Variants in WASF3 observed in about 807,000 individuals in gnomAD.
The protein encoded by WASF3 is WASP family member 3.
Under a neutral mutation model 46.6 loss-of-function variants are expected in WASF3, and 11 were observed. The observed-to-expected ratio is 0.24, with a 90% CI of 0.15 to 0.39. The LOEUF is 0.39. WASF3 is among the 10% of genes least tolerant of loss of function. The pLI is 1.00. For missense variants in WASF3, 576 were observed against 669.8 expected, an observed-to-expected ratio of 0.86 and a Z score of 1.55; for synonymous variants, 242 against 259.7, an observed-to-expected ratio of 0.93 and a Z score of 0.65.
intron 2 of WASF3, among the ~76,000 whole-genome samples, chr13:26,629,935 C>T (rs2137258850): frequency 6.6e-6 from 1 of 152,100 alleles, no homozygotes; most frequent in East Asian, 1.9e-4. Context: ...TTTGATTCTC[C>T]TGCTGGAGCT....
At chr13:26,562,216 T>G (rs563977312) in intron 1 of WASF3, among the ~76,000 whole-genome samples, 5 of 152,036 alleles carry the variant, frequency 3.3e-5, no homozygotes, top group African/African-American at 4.8e-5. Context: ...TGGTGTGGAG[T>G]GAGATCTGAG....
At position 26,561,389 on chromosome 13, in the gene WASF3, C is replaced by G. The variant is rs115904433; in HGVS notation, c.-109+3570C>G. ...AGTTCAGGGCAGTGTCCAGCTCTGG[C>G]TGGGTGGTTGGGTGATGGCACTGTC... On this transcript the variant is annotated intron_variant, in intron 1 of 9. Transcript: ENST00000335327. 8.7e-3 allele frequency among the ~76,000 whole-genome samples: 1,329 copies of G among 151,990 alleles called. 21 individuals are homozygous for G. The highest frequency in any genetic ancestry group is 0.03 in the African/African-American group (1,241 of 41,418).
At chr13:26,631,669 C>G (rs965474412) in intron 2 of WASF3, among the ~76,000 whole-genome samples, 10 of 152,022 alleles carry the variant, frequency 6.6e-5, no homozygotes, top group African/African-American at 1.9e-4. Context: ...TTTTTTCGTT[C>G]CATATGAACT....
chr13:26,602,820 A>G (rs951931354), intron 1 of WASF3, among the ~76,000 whole-genome samples: 3 of 152,050 alleles, frequency 2.0e-5, no homozygotes, highest in Non-Finnish European at 4.4e-5. Flanking sequence ...ACATCTTGCT[A>G]TTTCTATTTG....
chr13:26,658,762 T>TTC (rs1169526023), intron 3 of WASF3, among the ~76,000 whole-genome samples: 1 of 152,144 alleles, frequency 6.6e-6, no homozygotes, highest in East Asian at 1.9e-4. Context: ...GAAGGCAAGA[T>TTC]TAGAGTTCCC....
At chr13:26,556,042 T>C (rs1313224044), upstream of WASF3, among the ~76,000 whole-genome samples, 1 of 152,236 alleles carries the variant, frequency 6.6e-6, no homozygotes, top group Non-Finnish European at 1.5e-5. Flanking sequence ...AGCACTGTAC[T>C]AGGCATTATA....
chr13:26,602,521 T>C (rs1880671578), intron 1 of WASF3, among the ~76,000 whole-genome samples: 1 of 152,194 alleles, frequency 6.6e-6, no homozygotes, highest in East Asian at 1.9e-4. Flanking sequence ...TCAGGAGCTT[T>C]GAATGTAGAC....
chr13:26,552,752 G>A (rs1054991755), upstream of WASF3, among the ~76,000 whole-genome samples: 2 of 152,204 alleles, frequency 1.3e-5, no homozygotes, highest in African/African-American at 4.8e-5. Context: ...TCCGCAAAGT[G>A]AGATTGAACT....
intron 3 of WASF3, among the ~76,000 whole-genome samples, chr13:26,651,046 G>C (rs1882299796): frequency 6.6e-6 from 1 of 152,188 alleles, no homozygotes; most frequent in Non-Finnish European, 1.5e-5. Context: ...ATTCCTGAAA[G>C]TATAAAGAAA....
At chr13:26,637,028 A>G (rs1433051872) in intron 2 of WASF3, among the ~76,000 whole-genome samples, 2 of 152,178 alleles carry the variant, frequency 1.3e-5, no homozygotes, top group African/African-American at 4.8e-5. Context: ...GTGTCTTACC[A>G]AGGGCTCCTG....
intron 3 of WASF3, among the ~76,000 whole-genome samples, chr13:26,643,972 A>T (rs1566061052): frequency 1.3e-5 from 2 of 152,184 alleles, no homozygotes; most frequent in African/African-American, 4.8e-5. Context: ...GGGAATTAGG[A>T]TTGCTAGTCA....
intron 6 of WASF3, among the ~76,000 whole-genome samples, chr13:26,674,752 C>G (rs991884439): frequency 2.0e-5 from 3 of 152,120 alleles, no homozygotes; most frequent in African/African-American, 7.2e-5. Context: ...GCAGATAATT[C>G]TTCAGGATAA....
intron 1 of WASF3, among the ~76,000 whole-genome samples, chr13:26,589,121 G>T (rs1880218029): frequency 6.6e-6 from 1 of 152,166 alleles, no homozygotes; most frequent in Admixed American, 6.5e-5. Flanking sequence ...GCTTGAGGTT[G>T]AGCATTCTTC....
At chr13:26,602,330 T>G (rs1880665735) in intron 1 of WASF3, among the ~76,000 whole-genome samples, 1 of 152,246 alleles carries the variant, frequency 6.6e-6, no homozygotes, top group African/African-American at 2.4e-5. Context: ...AGAAATGTTT[T>G]TGGCAATAAT....
chr13:26,636,244 G>C (rs1448735102), intron 2 of WASF3, among the ~76,000 whole-genome samples: 1 of 152,248 alleles, frequency 6.6e-6, no homozygotes. Flanking sequence ...CTGTCAGGCT[G>C]CTTCCTCACA....
intron 2 of WASF3, among the ~76,000 whole-genome samples, chr13:26,632,690 A>G (rs1881688834): frequency 6.6e-6 from 1 of 152,212 alleles, no homozygotes; most frequent in Non-Finnish European, 1.5e-5. Flanking sequence ...GCCCCATAAA[A>G]TGAGTTAGGG....
chr13:26,678,571 G>A lies in WASF3; in HGVS notation c.716+1847G>A, dbSNP rs551482282. ...TATCCGCTCATCTGAGTGCATCCAA[G>A]ATACTGAGGGAAATTTAAATACCAG... is the stretch of plus-strand genomic sequence containing the variant. On this transcript the variant is annotated intron_variant, in intron 7 of 9. Transcript: ENST00000335327. 3.3e-5 allele frequency among the ~76,000 whole-genome samples: 5 copies of A among 152,170 alleles called. No homozygotes were observed. The East Asian group carries it at 9.6e-4, about 29-fold the overall frequency.
rs76216063 is a variant in WASF3 at position 26,626,846 on chromosome 13, C to G, written c.-11+13788C>G. 1.1e-3 allele frequency among the ~76,000 whole-genome samples: 167 copies of G among 152,216 alleles called. 1 individual carries two copies. In the East Asian group the frequency reaches 0.03, roughly 27 times the overall value. ...TTAAATATGTGGCTACATTCAACAA[C>G]AGATCTTTAAAATACAGAAACAAAA... On this transcript the variant is annotated intron_variant, in intron 2 of 9. Coordinates refer to ENST00000335327, the MANE Select transcript of WASF3 (RefSeq NM_006646.6).
intron 1 of WASF3, among the ~76,000 whole-genome samples, chr13:26,607,581 ATTTTTGT>A (rs1170764637): frequency 1.3e-5 from 2 of 151,536 alleles, no homozygotes; most frequent in South Asian, 2.1e-4. Context: ...TGAATCTCTT[ATTTTTGT>A]TTTTTGTTTT....
Sources: allele counts gnomAD v4.1 joint callset (sites outside exome capture counted in the v4.1 genomes callset), GRCh38; gene constraint gnomAD v4.1.1; transcripts MANE v1.5; gene names NCBI Gene and HGNC (gene_info 2026-07-23, HGNC 2026-07-21).